Variants in ACACA observed in about 807,000 individuals in gnomAD.
ACACA encodes the protein acetyl-CoA carboxylase alpha, also known as acetyl-CoA carboxylase 1.
Under a neutral mutation model 296.1 loss-of-function variants are expected in ACACA, and 103 were observed. The observed-to-expected ratio is 0.35, with a 90% CI of 0.30 to 0.41. ACACA has a LOEUF of 0.41. ACACA is among the 10% of genes least tolerant of loss of function. The pLI is 1.00. For synonymous variants in ACACA, 953 were observed against 1,038.6 expected (o/e 0.92, Z 1.58); for missense variants, 1,554 against 2,989.7 (o/e 0.52, Z 11.20).
chr17:37,343,823 T>C (rs959501712), intron 1 of ACACA, among the ~76,000 whole-genome samples: 5 of 151,956 alleles, frequency 3.3e-5, no homozygotes, highest in Admixed American at 1.3e-4. Flanking sequence ...GTTCACTTTG[T>C]CATTTATTTT....
At position 37,161,803 on chromosome 17, in the gene ACACA, A is replaced by T; in HGVS notation, c.5327T>A (p.Val1776Glu). 1 of 1,612,702 alleles carries T rather than the reference A, an allele frequency of 6.2e-7. No individual in the cohort carries two copies. The highest frequency in any genetic ancestry group is 2.2e-5 in the East Asian group (1 of 44,878). The change falls in exon 42 of 56, where the codon GTA becomes GAA. Residue 1776 changes from valine to glutamate, a missense_variant. Coordinates refer to ENST00000616317, the MANE Select transcript of ACACA (RefSeq NM_198834.3). ...TACCTTGTAAGGATCCTCAGGATCT[A>T]CCCAGGCCACATGAAACATATGGCG... ...EIRHMFHVAW[V>E]DPEDPYKGYR...
At chr17:37,224,612 T>A (rs2079451329) in intron 27 of ACACA, among the ~76,000 whole-genome samples, 3 of 152,122 alleles carry the variant, frequency 2.0e-5, no homozygotes. Context: ...TATGTATACA[T>A]CTGATTCAAA....
At position 37,349,755 on chromosome 17, in the gene ACACA, C is replaced by T. The variant is rs547265263; in HGVS notation, c.39-9905G>A. ...TGTATTTTCAATAGAGACAGGATTG[C>T]ACCACGTTGGCCAGGCTGGTCTCGA... On this transcript the variant is annotated intron_variant, in intron 1 of 55. Transcript: ENST00000616317. 4.0e-4 allele frequency among the ~76,000 whole-genome samples: 60 copies of T among 151,136 alleles called. 1 individual carries two copies. In the South Asian group the frequency reaches 0.012, roughly 29 times the overall value.
Position 37,275,998 on chromosome 17 carries a change from A to G in ACACA, c.854T>C (p.Ile285Thr), listed in dbSNP as rs2082270002. ...WALGDKIASS[I>T]VAQTAGIPTL... is the part of the protein sequence containing the mutation. ...TGGGATACCTGCAGTTTGAGCCACT[A>G]TGGAAGATGCAATCTTATCCCCTAA... The change falls in exon 8 of 56, where the codon ATA (isoleucine) becomes ACA (threonine). Residue 285 changes from isoleucine to threonine, a missense_variant. Ile to Thr is a moderately conservative substitution (Grantham distance 89, BLOSUM62 -1). Around this residue, in one of 16 missense-constraint regions of ACACA, gnomAD observed 47 missense variants for 55.4 expected, o/e 0.85. Coordinates refer to ENST00000616317, the MANE Select transcript of ACACA (RefSeq NM_198834.3). The G allele has an allele frequency of 6.2e-7, 1 of 1,614,218 alleles. No homozygotes were observed. The highest frequency in any genetic ancestry group is 8.5e-7 in the Non-Finnish European group (1 of 1,180,008).
chr17:37,228,192 A>G (rs924336026), intron 25 of ACACA, among the ~76,000 whole-genome samples: 1 of 148,100 alleles, frequency 6.8e-6, no homozygotes, highest in African/African-American at 2.5e-5. Flanking sequence ...TATGCTGGGA[A>G]GGTTTCTCAA....
In ACACA at chr17:37,248,093, C is replaced by A. The variant is rs757830182; in HGVS notation, c.2227G>T (p.Val743Leu). ...AGTCCACCGTCACTCAGCCGATGTACATCTACTTCTACACATGAGCCATTC... is the reference window on the plus strand; with the variant it reads ...AGTCCACCGTCACTCAGCCGATGTAAATCTACTTCTACACATGAGCCATTC... Reference protein sequence around the residue: ...IMNGSCVEVDVHRLSDGGLLL... With the variant: ...IMNGSCVEVDLHRLSDGGLLL... Residue 743 changes from valine (V) to leucine (L), a missense_variant, in exon 18 of 56, where the codon GTA (valine) becomes TTA (leucine). Physicochemically the swap from Val to Leu is conservative, Grantham distance 32 (BLOSUM62 1). Coordinates refer to ENST00000616317, the MANE Select transcript of ACACA (RefSeq NM_198834.3). The A allele has an allele frequency of 3.1e-6, 5 of 1,614,200 alleles. No individual in the cohort carries two copies. Among genetic ancestry groups the A allele is most frequent in the African/African-American group, 1.3e-5 (1 of 75,056 alleles).
At chr17:37,304,523 G>A (rs8069192) in intron 3 of ACACA, among the ~76,000 whole-genome samples, 3,787 of 152,180 alleles carry the variant, frequency 0.025, 156 homozygotes, top group African/African-American at 0.087. Flanking sequence ...GGCCAGGCGC[G>A]GTGGCTCATG....
intron 39 of ACACA, among the ~76,000 whole-genome samples, chr17:37,186,663 G>T (rs1419654816): frequency 6.6e-6 from 1 of 152,174 alleles, no homozygotes; most frequent in Non-Finnish European, 1.5e-5. Flanking sequence ...CTCAAGTGAA[G>T]AGTCTGTAGA....
intron 19 of ACACA, among the ~76,000 whole-genome samples, chr17:37,245,667 G>A (rs1026791733): frequency 6.6e-6 from 1 of 151,888 alleles, no homozygotes; most frequent in Non-Finnish European, 1.5e-5. Context: ...CCAACTCTTC[G>A]GTTTACGCCT....
In ACACA at chr17:37,264,442, C is replaced by T. The variant is rs182983458; in HGVS notation, c.1120-548G>A. Among the ~76,000 whole-genome samples, 25 of 152,286 alleles carry T rather than the reference C, an allele frequency of 1.6e-4. 1 individual carries two copies. In the East Asian group the frequency reaches 4.2e-3, roughly 26 times the overall value. On this transcript the variant is annotated intron_variant, in intron 10 of 55. Transcript: ENST00000616317. ...CTGTTTCTACTGAGATGCCAACTGT[C>T]AATCTTATTGTTACTATTTTGAAAG...
chr17:37,345,980 A>G (rs1328080010), intron 1 of ACACA, among the ~76,000 whole-genome samples: 1 of 152,204 alleles, frequency 6.6e-6, no homozygotes, highest in African/African-American at 2.4e-5. Flanking sequence ...TGGGAAGCTT[A>G]GGCAGGAGGA....
chr17:37,326,472 G>A (rs575337179), intron 3 of ACACA, among the ~76,000 whole-genome samples: 15 of 151,624 alleles, frequency 9.9e-5, no homozygotes, highest in Admixed American at 6.6e-4. Context: ...CAGAGGTTGC[G>A]GTAAGTGGAG....
intron 41 of ACACA, among the ~76,000 whole-genome samples, chr17:37,165,675 ATTTTTT>A (rs61254387): frequency 7.2e-6 from 1 of 139,702 alleles, no homozygotes; most frequent in Admixed American, 7.2e-5. Context: ...TGTGTAGAGA[ATTTTTT>A]TTTTTTTTTT....
At chr17:37,240,860 TGA>T (rs1261480131) in intron 23 of ACACA, among the ~76,000 whole-genome samples, 1 of 152,138 alleles carries the variant, frequency 6.6e-6, no homozygotes, top group Non-Finnish European at 1.5e-5. Context: ...TTGAAATGGC[TGA>T]GATATCTGAA....
chr17:37,349,418 A>C (rs1309169531), intron 1 of ACACA, among the ~76,000 whole-genome samples: 1 of 147,772 alleles, frequency 6.8e-6, no homozygotes, highest in East Asian at 1.9e-4. Flanking sequence ...AATATATATT[A>C]TATATACATA....
chr17:37,257,405 T>C (rs889517470), intron 14 of ACACA, among the ~76,000 whole-genome samples: 1 of 152,158 alleles, frequency 6.6e-6, no homozygotes, highest in Non-Finnish European at 1.5e-5. Context: ...AACAATACTG[T>C]TCCTGTGGAA....
At chr17:37,109,870 C>G (rs950204926) in intron 52 of ACACA, among the ~76,000 whole-genome samples, 16 of 152,150 alleles carry the variant, frequency 1.1e-4, no homozygotes, top group Admixed American at 1.0e-3. Context: ...TAAAAAGAGG[C>G]AGTGAACCCC....
At chr17:37,229,188 A>T (rs1005234853) in intron 25 of ACACA, among the ~76,000 whole-genome samples, 4 of 151,862 alleles carry the variant, frequency 2.6e-5, no homozygotes, top group Non-Finnish European at 5.9e-5. Context: ...AACCTGTATC[A>T]GATTTGATAT....
intron 45 of ACACA, chr17:37,144,006 C>A (rs2075711387): frequency 6.3e-6 from 5 of 798,456 alleles, no homozygotes; most frequent in Non-Finnish European, 1.1e-5. Context: ...CTGAAGGAAG[C>A]CTCTTGGGTG....
Sources: gnomAD v4.1 joint callset for allele counts (sites outside exome capture counted in the v4.1 genomes callset) on GRCh38, gnomAD v4.1.1 for gene constraint, gnomAD v4.1.1 regional missense constraint, MANE v1.5 for transcripts, NCBI Gene and HGNC (gene_info 2026-07-23, HGNC 2026-07-21) for gene names.